TRIM29: variants seen among roughly 807,000 people sequenced by gnomAD.
TRIM29 encodes the protein tripartite motif containing 29, also known as tripartite motif-containing protein 29.
A neutral mutation model predicts 57.3 loss-of-function variants in TRIM29; 52 were observed. The ratio of observed to expected loss-of-function variants is 0.91; its 90% CI spans 0.73 to 1.14. TRIM29 has a LOEUF of 1.14. Among genes scored for constraint, TRIM29 ranks in the 50% most tolerant of loss-of-function variants. The probability of loss-of-function intolerance (pLI) is 0.00; values close to 1 mark genes in which losing one functional copy is unlikely to be tolerated. For synonymous variants in TRIM29, 319 were observed against 316.9 expected (o/e 1.01, Z -0.07); for missense variants, 753 against 774.6 (o/e 0.97, Z 0.33).
At chr11:120,136,402 C>T (rs1250642706) in intron 1 of TRIM29, among the ~76,000 whole-genome samples, 4 of 152,206 alleles carry the variant, frequency 2.6e-5, no homozygotes, top group Non-Finnish European at 5.9e-5. Flanking sequence ...GAATACTGTA[C>T]TGAAAGCATA....
At chr11:120,129,035 G>T in intron 1 of TRIM29, 1 of 706,728 alleles carries the variant, frequency 1.4e-6, no homozygotes, top group Non-Finnish European at 2.0e-6. Flanking sequence ...CCTGTTTATG[G>T]GAAAGGGAAG....
At chr11:120,136,640 C>A (rs1039621229) in intron 1 of TRIM29, among the ~76,000 whole-genome samples, 1 of 152,154 alleles carries the variant, frequency 6.6e-6, no homozygotes, top group African/African-American at 2.4e-5. Context: ...AACAAGAAGC[C>A]ACTGTACGAC....
intron 1 of TRIM29, among the ~76,000 whole-genome samples, chr11:120,133,266 C>A (rs1863752904): frequency 6.6e-6 from 1 of 152,242 alleles, no homozygotes; most frequent in African/African-American, 2.4e-5. Context: ...GAAGACCCTT[C>A]CAATCCTACA....
intron 1 of TRIM29, among the ~76,000 whole-genome samples, chr11:120,133,148 T>C (rs887012264): frequency 5.3e-5 from 8 of 152,182 alleles, no homozygotes; most frequent in African/African-American, 1.7e-4. Flanking sequence ...AGGGAGACCT[T>C]TAAAATACCT....
intron 1 of TRIM29, among the ~76,000 whole-genome samples, chr11:120,129,632 C>T (rs1000399969): frequency 1.3e-5 from 2 of 151,716 alleles, no homozygotes; most frequent in African/African-American, 4.8e-5. Context: ...CCATGCGGCA[C>T]ACCTTCTGAA....
In TRIM29 at chr11:120,123,036, C is replaced by T; in HGVS notation, c.1353G>A (p.Val451=). Reference sequence around the variant, plus strand: ...CCCCGAAGCTGTTCGTGTAGTTGTTCACATAGCGATGGTCACCACCTAGGA... The same window carrying T: ...CCCCGAAGCTGTTCGTGTAGTTGTTTACATAGCGATGGTCACCACCTAGGA... ...HMENGGDHRY[V]NNYTNSFGGE... The change falls in exon 5 of 9, where the codon GTG becomes GTA. Residue 451 remains valine, a synonymous_variant. Transcript: ENST00000341846. 6.2e-7 allele frequency: 1 copy of T among 1,614,070 alleles called. No homozygotes were observed.
chr11:120,112,200 G>A lies in TRIM29; in HGVS notation c.*214C>T. The A allele has an allele frequency of 1.9e-6, 1 of 536,772 alleles. No individual in the cohort carries two copies. Among genetic ancestry groups the A allele is most frequent in the South Asian group, 2.0e-5 (1 of 49,100 alleles). 33.3% of individuals were successfully genotyped at this position (536,772 alleles called of 1,614,324 possible). A position where few individuals can be genotyped will look rare whatever the true frequency, so the allele number is the denominator to read the frequency against. On this transcript the variant is annotated 3_prime_UTR_variant, in exon 9 of 9. Coordinates refer to ENST00000341846, the MANE Select transcript of TRIM29 (RefSeq NM_012101.4). The stretch of plus-strand genomic sequence containing the variant: ...CACAGGAATGATGGTGACCATCTGA[G>A]GTCACAAGGCAGGAAAGGAGTCTGA...
At chr11:120,128,979 G>A in intron 1 of TRIM29, 1 of 1,259,654 alleles carries the variant, frequency 7.9e-7, no homozygotes, top group Non-Finnish European at 1.0e-6. Context: ...CAGCAGCCAG[G>A]GTTGCCGCCG....
chr11:120,123,393 T>A (rs961986978), intron 4 of TRIM29: 1 of 497,736 alleles, frequency 2.0e-6, no homozygotes, highest in Admixed American at 2.3e-5. Flanking sequence ...TGTGGTTGTA[T>A]CCCCCTGAGA....
Position 120,129,046 on chromosome 11 carries a change from G to C in TRIM29, c.805-551C>G, listed in dbSNP as rs904252885. ...AAAACCTGTTTATGGGAAAGGGAAG[G>C]CATTCTGCAGTTTTGGCAAGACGGA... On this transcript the variant is annotated intron_variant, in intron 1 of 8. Transcript: ENST00000341846. 1.1e-5 allele frequency: 7 copies of C among 657,918 alleles called. No homozygotes were observed. The African/African-American group carries it at 1.1e-4, about 11-fold the overall frequency. The allele number at this position is 657,918 out of a possible 1,614,324, so 40.8% of individuals were successfully genotyped here.
intron 4 of TRIM29, 192 bp from the exon 5 acceptor site, chr11:120,123,247 AGAAGGTGTC>A: frequency 1.4e-6 from 1 of 697,470 alleles, no homozygotes. Context: ...CTCTTGGTGG[AGAAGGTGTC>A]TGCAAAGAGC....
chr11:120,113,090 T>C (rs1333605843), intron 8 of TRIM29, among the ~76,000 whole-genome samples: 1 of 152,022 alleles, frequency 6.6e-6, no homozygotes, highest in Non-Finnish European at 1.5e-5. Flanking sequence ...AGGATTTTCT[T>C]TGCCTCTCTC....
Position 120,118,284 on chromosome 11 carries a change from G to A in TRIM29, c.1566C>T (p.Ser522=), listed in dbSNP as rs1403894803. ...YTSRVWEYSS[S]IQNSDNDLPV... is the part of the protein sequence containing the mutation. ...GCAGGTCATTGTCAGAGTTCTGAAT[G>A]CTGGAGGAGTACTCCCAGACCCGGG... The change falls in exon 7 of 9, where the codon AGC becomes AGT. Residue 522 remains serine, a synonymous_variant. Transcript: ENST00000341846. The A allele has an allele frequency of 6.2e-7, 1 of 1,613,992 alleles. No individual in the cohort carries two copies. The highest frequency in any genetic ancestry group is 1.7e-5 in the Admixed American group (1 of 60,000).
intron 8 of TRIM29, among the ~76,000 whole-genome samples, chr11:120,114,627 A>C (rs1863221476): frequency 6.6e-6 from 1 of 152,186 alleles, no homozygotes; most frequent in African/African-American, 2.4e-5. Flanking sequence ...CTGCATGTGA[A>C]CTACAGTCCC....
chr11:120,130,960 T>A (rs1221660489), intron 1 of TRIM29, among the ~76,000 whole-genome samples: 1 of 151,830 alleles, frequency 6.6e-6, no homozygotes, highest in Admixed American at 6.6e-5. Context: ...CAGTAGGGAG[T>A]GCATAGAGAG....
Position 120,137,483 on chromosome 11 carries a change from C to A in TRIM29, c.549G>T (p.Ala183=), listed in dbSNP as rs763599477. Residue 183 remains alanine, a synonymous_variant, in exon 1 of 9, where the codon GCG becomes GCT. Coordinates refer to ENST00000341846, the MANE Select transcript of TRIM29 (RefSeq NM_012101.4). This position sits in a 1 kb window ranked among gnomAD's most constrained non-coding sequence, Gnocchi z 6.2. The part of the protein sequence containing the change: ...CDSCIGNKQK[A]VKSCLVCQAS... ...CCTGGCACACCAGGCAGGACTTGAC[C>A]GCCTTCTGCTTGTTGCCGATGCAGG... 6.2e-7 allele frequency: 1 copy of A among 1,602,790 alleles called. No homozygotes were observed. The highest frequency in any genetic ancestry group is 1.1e-5 in the South Asian group (1 of 91,026).
intron 7 of TRIM29, 39 bp from the exon 8 acceptor site, chr11:120,115,453 T>A: frequency 6.3e-7 from 1 of 1,585,898 alleles, no homozygotes; most frequent in Non-Finnish European, 8.6e-7. Flanking sequence ...GGAGCAGCGC[T>A]GGTGGTCAGG....
intron 3 of TRIM29, among the ~76,000 whole-genome samples, 180 bp downstream of exon 3, chr11:120,127,156 A>G (rs1863608466): frequency 6.6e-6 from 1 of 152,250 alleles, no homozygotes; most frequent in Non-Finnish European, 1.5e-5. Flanking sequence ...AAAATTAAAC[A>G]GAGAGAATGG....
At chr11:120,112,567 GCA>G in intron 8 of TRIM29, 91 bp from the exon 9 acceptor site, 2 of 1,406,176 alleles carry the variant, frequency 1.4e-6, no homozygotes, top group Non-Finnish European at 2.0e-6. Context: ...TCAGGAGGCA[GCA>G]GTGATCCAAG....
Sources: allele counts gnomAD v4.1 joint callset (sites outside exome capture counted in the v4.1 genomes callset), GRCh38; gene constraint gnomAD v4.1.1; non-coding constraint Gnocchi (gnomAD v3.1); transcripts MANE v1.5; gene names NCBI Gene and HGNC (gene_info 2026-07-23, HGNC 2026-07-21).